Variants in CTCF observed in about 807,000 individuals in gnomAD.
CTCF encodes transcriptional repressor CTCF.
In CTCF, 7 loss-of-function variants were observed where a neutral mutation model predicts 72.3. That is an observed-to-expected ratio of 0.10 (90% CI 0.06 to 0.18). The LOEUF (loss-of-function observed/expected upper bound fraction) is 0.18, where lower values mean the gene tolerates loss of function less well. Among genes scored for constraint, CTCF ranks in the 10% least tolerant of loss-of-function variants. The pLI is 1.00. For synonymous variants in CTCF, 374 were observed against 315.8 expected (o/e 1.18, Z -1.95); for missense variants, 516 against 949.1 (o/e 0.54, Z 6.00).
chr16:67,626,552 C>A lies in CTCF; in HGVS notation c.1358-3C>A. The A allele has an allele frequency of 6.8e-7, 1 of 1,464,232 alleles. No individual in the cohort carries two copies. Among genetic ancestry groups the A allele is most frequent in the Non-Finnish European group, 9.1e-7 (1 of 1,099,812 alleles). The allele number at this position is 1,464,232 out of a possible 1,614,324, so 90.7% of individuals were successfully genotyped here. On this transcript the variant is annotated splice_region_variant and splice_polypyrimidine_tract_variant and intron_variant, in intron 7 of 11. Transcript: ENST00000264010. The stretch of plus-strand genomic sequence containing the variant: ...TACCCTGGGCTTTTTACTGTGCTTT[C>A]AGGTGTCCACTTGCGAAAGCAGCAT...
At chr16:67,624,827 C>T (rs929588347) in intron 7 of CTCF, among the ~76,000 whole-genome samples, 2 of 152,006 alleles carry the variant, frequency 1.3e-5, no homozygotes, top group Non-Finnish European at 2.9e-5. Context: ...CTCCTGGACT[C>T]AAGCAATCCA....
chr16:67,612,348 C>G, intron 4 of CTCF: 4 of 364,054 alleles, frequency 1.1e-5, no homozygotes, highest in Non-Finnish European at 1.5e-5. Context: ...AAAAAGAAGT[C>G]TCAGGCAATA....
chr16:67,605,408 T>A (rs1271976098), intron 2 of CTCF, among the ~76,000 whole-genome samples: 1 of 152,236 alleles, frequency 6.6e-6, no homozygotes, highest in African/African-American at 2.4e-5. Flanking sequence ...CCCACTGTCA[T>A]GGAACAGCAT....
chr16:67,586,858 A>G (rs977268783), intron 2 of CTCF, among the ~76,000 whole-genome samples: 5 of 151,850 alleles, frequency 3.3e-5, no homozygotes, highest in African/African-American at 4.8e-5. Context: ...CAGTGGCACA[A>G]TCTCAGCTCA....
At chr16:67,584,486 G>C (rs1009642682) in intron 2 of CTCF, among the ~76,000 whole-genome samples, 1 of 151,502 alleles carries the variant, frequency 6.6e-6, no homozygotes, top group Admixed American at 6.6e-5. Context: ...GATTACAGGC[G>C]TGGTGGAATT....
chr16:67,597,546 C>T (rs1045403490), intron 2 of CTCF, among the ~76,000 whole-genome samples: 6 of 152,100 alleles, frequency 3.9e-5, no homozygotes, highest in Non-Finnish European at 5.9e-5. Flanking sequence ...ACCATGTTGG[C>T]CAGGCTGGTC....
intron 2 of CTCF, among the ~76,000 whole-genome samples, chr16:67,610,017 C>G (rs889913163): frequency 1.3e-5 from 2 of 152,172 alleles, no homozygotes; most frequent in South Asian, 4.1e-4. Flanking sequence ...ATAACAGTAG[C>G]ACATCCCAGC....
At chr16:67,612,627 A>G (rs1567609312) in intron 4 of CTCF, among the ~76,000 whole-genome samples, 4 of 150,484 alleles carry the variant, frequency 2.7e-5, no homozygotes, top group Non-Finnish European at 5.9e-5. Flanking sequence ...GTGAAATCCT[A>G]CCTTTATTTA....
At chr16:67,600,305 C>T (rs574135801) in intron 2 of CTCF, among the ~76,000 whole-genome samples, 1 of 152,128 alleles carries the variant, frequency 6.6e-6, no homozygotes, top group South Asian at 2.1e-4. Context: ...ATGGTGTAAT[C>T]TCAGCTCACT....
At chr16:67,596,421 T>C (rs2051815775) in intron 2 of CTCF, among the ~76,000 whole-genome samples, 1 of 152,180 alleles carries the variant, frequency 6.6e-6, no homozygotes, top group African/African-American at 2.4e-5. Flanking sequence ...GCTTTTTCTT[T>C]CAGTGTTCAT....
intron 2 of CTCF, among the ~76,000 whole-genome samples, chr16:67,590,573 G>C (rs1016895285): frequency 6.6e-6 from 1 of 151,852 alleles, no homozygotes; most frequent in African/African-American, 2.4e-5. Flanking sequence ...TCCTGACCTT[G>C]TGATCTGCCC....
At chr16:67,574,657 T>C (rs2051471139) in intron 2 of CTCF, among the ~76,000 whole-genome samples, 2 of 135,428 alleles carry the variant, frequency 1.5e-5, no homozygotes, top group South Asian at 5.2e-4. Context: ...CATCTTTTTT[T>C]TTTTTTTTTT....
intron 4 of CTCF, among the ~76,000 whole-genome samples, chr16:67,612,862 T>A (rs184156966): frequency 2.0e-5 from 3 of 151,696 alleles, no homozygotes; most frequent in Non-Finnish European, 4.4e-5. Context: ...GCTTGAAACC[T>A]GGGAGGCAGA....
intron 2 of CTCF, among the ~76,000 whole-genome samples, chr16:67,573,715 A>G (rs760215532): frequency 4.0e-5 from 6 of 151,812 alleles, no homozygotes; most frequent in African/African-American, 9.7e-5. Flanking sequence ...TTGCTTTCAC[A>G]TAACAACCAC....
chr16:67,623,788 G>A (rs752689676), intron 7 of CTCF, among the ~76,000 whole-genome samples: 15 of 152,170 alleles, frequency 9.9e-5, no homozygotes, highest in Non-Finnish European at 1.8e-4. Context: ...GGTGGCTCAC[G>A]CCTCTAATCC....
intron 1 of CTCF, among the ~76,000 whole-genome samples, chr16:67,570,398 A>G (rs777687547): frequency 1.3e-4 from 19 of 147,126 alleles, no homozygotes; most frequent in Non-Finnish European, 1.0e-4. Context: ...ATTTTTTGGT[A>G]GTTTGAATAT....
intron 2 of CTCF, among the ~76,000 whole-genome samples, chr16:67,593,094 C>CT: frequency 6.7e-6 from 1 of 148,330 alleles, no homozygotes; most frequent in African/African-American, 2.4e-5. Flanking sequence ...ATTTGTATAT[C>CT]TTTTTTATAT....
intron 9 of CTCF, 146 bp from the exon 10 acceptor site, chr16:67,629,252 C>A (rs575320258): frequency 4.5e-5 from 31 of 694,036 alleles, no homozygotes; most frequent in Admixed American, 9.6e-5. Flanking sequence ...TTATCCATTT[C>A]CCCTGAGCAG....
intron 2 of CTCF, 133 bp downstream of exon 2, chr16:67,571,397 A>T (rs761585365): frequency 6.6e-6 from 1 of 152,426 alleles, no homozygotes; most frequent in South Asian, 2.1e-4. Flanking sequence ...TACAGGCTTC[A>T]TAATCAGAGT....
Sources: gnomAD v4.1 joint callset for allele counts (sites outside exome capture counted in the v4.1 genomes callset) on GRCh38, gnomAD v4.1.1 for gene constraint, MANE v1.5 for transcripts, NCBI Gene and HGNC (gene_info 2026-07-23, HGNC 2026-07-21) for gene names.